The following MARCHF1 variants were observed in gnomAD, a reference collection of about 807,000 sequenced individuals.
The protein encoded by MARCHF1 is membrane associated ring-CH-type finger 1, also known as E3 ubiquitin-protein ligase MARCHF1.
In MARCHF1, 40 loss-of-function variants were observed where a neutral mutation model predicts 54.2. The observed-to-expected ratio is 0.74, with a 90% CI of 0.57 to 0.96. The LOEUF (loss-of-function observed/expected upper bound fraction) is 0.96. Ranked by LOEUF, MARCHF1 falls within the 40% of genes least tolerant of loss-of-function variation. The pLI, the probability that MARCHF1 is intolerant of heterozygous loss-of-function variation, is 0.00. For synonymous variants in MARCHF1, 236 were observed against 236.3 expected (o/e 1.00, Z 0.01); for missense variants, 586 against 656.5 (o/e 0.89, Z 1.17).
chr4:164,081,713 C>T (rs1254777194), intron 2 of MARCHF1, among the ~76,000 whole-genome samples: 1 of 143,964 alleles, frequency 6.9e-6, no homozygotes, highest in Non-Finnish European at 1.5e-5. Flanking sequence ...TGCATATACA[C>T]ACACACACAC....
chr4:164,225,425 A>C (rs879259949), intron 1 of MARCHF1, among the ~76,000 whole-genome samples: 7 of 152,042 alleles, frequency 4.6e-5, no homozygotes, highest in Admixed American at 3.9e-4. Context: ...CTGTCTTCTA[A>C]AGGATTATTT....
chr4:163,996,695 A>G (rs934276748), intron 2 of MARCHF1, among the ~76,000 whole-genome samples: 2 of 152,058 alleles, frequency 1.3e-5, no homozygotes, highest in African/African-American at 4.8e-5. Context: ...TATTAGGTCT[A>G]CATATATCTA....
At position 163,687,297 on chromosome 4, in the gene MARCHF1, G is replaced by A. The variant is rs751424865; in HGVS notation, c.162+13516C>T. On this transcript the variant is annotated intron_variant, in intron 5 of 9. Coordinates refer to ENST00000514618, the MANE Select transcript of MARCHF1 (RefSeq NM_001394959.1). The stretch of plus-strand genomic sequence containing the variant: ...GGCTGGAGTGCAGTGGCGCTATCTC[G>A]GCTCACTGCAAACTCCACCTCCCCG... Among the ~76,000 whole-genome samples, 7 of 150,636 alleles carry A rather than the reference G, an allele frequency of 4.6e-5. No individual in the cohort carries two copies. The South Asian group carries it at 8.4e-4, about 18-fold the overall frequency.
chr4:163,700,990 C>T, intron 4 of MARCHF1, 127 bp from the exon 5 acceptor site: 1 of 631,548 alleles, frequency 1.6e-6, no homozygotes, highest in Non-Finnish European at 2.8e-6. Flanking sequence ...TTGACTAATA[C>T]ACATATTAAT....
intron 1 of MARCHF1, among the ~76,000 whole-genome samples, chr4:164,202,243 C>T (rs1560952071): frequency 1.3e-5 from 2 of 152,148 alleles, no homozygotes; most frequent in Admixed American, 1.3e-4. Context: ...GATGAACAGG[C>T]ATTGTCTAAG....
intron 5 of MARCHF1, among the ~76,000 whole-genome samples, chr4:163,681,349 C>G (rs1489384635): frequency 6.6e-6 from 1 of 152,118 alleles, no homozygotes; most frequent in East Asian, 1.9e-4. Flanking sequence ...TTTAGGAAAA[C>G]CTTGAGCAGA....
intron 1 of MARCHF1, among the ~76,000 whole-genome samples, chr4:164,122,531 A>G (rs1315296289): frequency 6.6e-6 from 1 of 152,036 alleles, no homozygotes; most frequent in Non-Finnish European, 1.5e-5. Context: ...CATGCTATGT[A>G]AACATCATAC....
intron 1 of MARCHF1, among the ~76,000 whole-genome samples, chr4:164,256,928 A>C (rs1312959558): frequency 6.6e-6 from 1 of 152,166 alleles, no homozygotes; most frequent in Non-Finnish European, 1.5e-5. Context: ...ATAATACTCT[A>C]AGATGGTGAG....
intron 3 of MARCHF1, among the ~76,000 whole-genome samples, chr4:163,911,508 A>T (rs1400157305): frequency 6.6e-6 from 1 of 152,164 alleles, no homozygotes; most frequent in Non-Finnish European, 1.5e-5. Context: ...TCCACTTTTC[A>T]GTAGTAATTA....
At chr4:164,126,676 G>T (rs1000263210) in intron 1 of MARCHF1, among the ~76,000 whole-genome samples, 1 of 152,160 alleles carries the variant, frequency 6.6e-6, no homozygotes, top group African/African-American at 2.4e-5. Context: ...TGTAGAGAAG[G>T]CTTCGGTCTT....
chr4:163,533,010 T>C (rs563561275), intron 9 of MARCHF1, among the ~76,000 whole-genome samples: 2 of 152,094 alleles, frequency 1.3e-5, no homozygotes, highest in South Asian at 2.1e-4. Context: ...ATTATACTTA[T>C]TCAAATGAAC....
At chr4:164,009,668 T>C (rs1753375546) in intron 2 of MARCHF1, among the ~76,000 whole-genome samples, 1 of 152,102 alleles carries the variant, frequency 6.6e-6, no homozygotes, top group African/African-American at 2.4e-5. Context: ...ATACATCACA[T>C]TAACAGAATC....
intron 2 of MARCHF1, among the ~76,000 whole-genome samples, chr4:164,066,566 G>A (rs1025330708): frequency 2.0e-5 from 3 of 152,152 alleles, no homozygotes; most frequent in Admixed American, 6.5e-5. Context: ...ACACATGTAT[G>A]TGCATGTTCA....
At chr4:164,335,668 G>A (rs1462722959) in intron 1 of MARCHF1, among the ~76,000 whole-genome samples, 1 of 150,504 alleles carries the variant, frequency 6.6e-6, no homozygotes, top group Non-Finnish European at 1.5e-5. Context: ...CATCAACATC[G>A]AAGCAGGACC....
chr4:163,971,216 T>C (rs1047635527), intron 3 of MARCHF1, among the ~76,000 whole-genome samples: 1 of 152,108 alleles, frequency 6.6e-6, no homozygotes, highest in Admixed American at 6.6e-5. Flanking sequence ...TAAAAACAAG[T>C]AGTGGGATAG....
intron 1 of MARCHF1, among the ~76,000 whole-genome samples, chr4:164,171,265 A>G (rs1730518638): frequency 6.6e-6 from 1 of 152,130 alleles, no homozygotes; most frequent in Non-Finnish European, 1.5e-5. Flanking sequence ...TTCCATCATC[A>G]TAAGTGATAC....
At chr4:164,046,920 G>A (rs1271530126) in intron 2 of MARCHF1, among the ~76,000 whole-genome samples, 1 of 152,106 alleles carries the variant, frequency 6.6e-6, no homozygotes, top group East Asian at 1.9e-4. Context: ...ATTAAAGATA[G>A]ATTAATCTTT....
chr4:164,222,777 T>C (rs776547218), intron 1 of MARCHF1, among the ~76,000 whole-genome samples: 30 of 152,068 alleles, frequency 2.0e-4, no homozygotes, highest in Non-Finnish European at 3.5e-4. Context: ...TTATGACATG[T>C]ATTATTTGAT....
chr4:163,734,706 T>C (rs1185977142), intron 4 of MARCHF1, among the ~76,000 whole-genome samples: 5 of 152,076 alleles, frequency 3.3e-5, no homozygotes. Flanking sequence ...AGGAATTGTA[T>C]AGGGCATGGA....
Sources: allele counts gnomAD v4.1 joint callset (sites outside exome capture counted in the v4.1 genomes callset), GRCh38; gene constraint gnomAD v4.1.1; transcripts MANE v1.5; gene names NCBI Gene and HGNC (gene_info 2026-07-23, HGNC 2026-07-21).